HMGB1: variants seen among roughly 807,000 people sequenced by gnomAD.
HMGB1 encodes the protein high mobility group protein B1.
For synonymous variants in HMGB1, 81 were observed against 84.0 expected (o/e 0.96, Z 0.19); for missense variants, 79 against 253.5 (o/e 0.31, Z 4.67).
chr13:30,553,015 A>C (rs1184112276), intron 1 of HMGB1, among the ~76,000 whole-genome samples: 1 of 152,240 alleles, frequency 6.6e-6, no homozygotes, highest in African/African-American at 2.4e-5. Context: ...AATGCAGGAC[A>C]GTTAAGGCCT....
At position 30,460,625 on chromosome 13, in the gene HMGB1, T is replaced by C. The variant is rs1199626531; in HGVS notation, c.*732A>G. The C allele has an allele frequency of 1.3e-5, 2 of 152,634 alleles. No homozygotes were observed. Among genetic ancestry groups the C allele is most frequent in the African/African-American group, 4.8e-5 (2 of 41,450 alleles). 9.5% of individuals were successfully genotyped at this position (152,634 alleles called of 1,614,324 possible). A position where few individuals can be genotyped will look rare whatever the true frequency, so the allele number is the denominator to read the frequency against. ...TAATAATCCCATGCTTTGAGTAGATTGATTACTCTTCAGTTTGTAAATGTA... is the reference window on the plus strand; with the variant it reads ...TAATAATCCCATGCTTTGAGTAGATCGATTACTCTTCAGTTTGTAAATGTA... On this transcript the variant is annotated 3_prime_UTR_variant, in exon 5 of 5. Coordinates refer to ENST00000341423, the MANE Select transcript of HMGB1 (RefSeq NM_002128.7).
chr13:30,501,392 C>A (rs1364385019), intron 1 of HMGB1, among the ~76,000 whole-genome samples: 3 of 152,104 alleles, frequency 2.0e-5, no homozygotes, highest in Non-Finnish European at 4.4e-5. Flanking sequence ...GCTCTGTTGC[C>A]TGGGCTGGAG....
At chr13:30,496,916 G>A (rs534220367) in intron 1 of HMGB1, among the ~76,000 whole-genome samples, 66 of 152,106 alleles carry the variant, frequency 4.3e-4, no homozygotes, top group African/African-American at 1.4e-3. Flanking sequence ...CAATATTCCC[G>A]TCATGCCCGG....
Position 30,551,277 on chromosome 13 carries a change from C to G in HMGB1, c.-15+65394G>C, listed in dbSNP as rs116257122. Among the ~76,000 whole-genome samples, 823 of 152,248 alleles carry G rather than the reference C, an allele frequency of 5.4e-3. 7 individuals carry two copies. The highest frequency in any genetic ancestry group is 0.019 in the African/African-American group (770 of 41,526). On this transcript the variant is annotated intron_variant, in intron 1 of 4. Transcript: ENST00000405805. The stretch of plus-strand genomic sequence containing the variant: ...ACATTCTAAAACTAATTTTTTTCCT[C>G]CGCAAGTCTTCCTTCTCTTTGGGGT...
chr13:30,531,373 T>C (rs142056936), intron 1 of HMGB1, among the ~76,000 whole-genome samples: 11 of 152,286 alleles, frequency 7.2e-5, no homozygotes, highest in African/African-American at 2.6e-4. Flanking sequence ...AGAGGGTATG[T>C]ATTCACACAG....
At chr13:30,500,958 C>G (rs1887721235) in intron 1 of HMGB1, among the ~76,000 whole-genome samples, 1 of 149,418 alleles carries the variant, frequency 6.7e-6, no homozygotes, top group African/African-American at 2.4e-5. Flanking sequence ...CAGGTGTGAG[C>G]CACTGCACTC....
At chr13:30,588,657 C>T (rs1163147292) in intron 1 of HMGB1, among the ~76,000 whole-genome samples, 2 of 152,180 alleles carry the variant, frequency 1.3e-5, no homozygotes, top group Non-Finnish European at 2.9e-5. Context: ...CGGCTCATGC[C>T]TGTAATCCCA....
At chr13:30,565,258 C>A (rs1350176112) in intron 1 of HMGB1, among the ~76,000 whole-genome samples, 3 of 152,186 alleles carry the variant, frequency 2.0e-5, no homozygotes, top group African/African-American at 7.2e-5. Context: ...CCTACACAGG[C>A]AAGCTGTTAT....
intron 1 of HMGB1, among the ~76,000 whole-genome samples, chr13:30,566,410 G>A (rs915893428): frequency 6.6e-6 from 1 of 152,122 alleles, no homozygotes; most frequent in African/African-American, 2.4e-5. Flanking sequence ...CCACTGTAGG[G>A]CAAAAGCAAC....
At chr13:30,617,561 G>A (rs1196132876) in exon 1 of HMGB1, 1 of 152,268 alleles carries the variant, frequency 6.6e-6, no homozygotes, top group Non-Finnish European at 1.5e-5. Flanking sequence ...CGACGCGCAA[G>A]CAGGTCTCTT....
chr13:30,552,183 T>C (rs1251728260), intron 1 of HMGB1, among the ~76,000 whole-genome samples: 5 of 152,218 alleles, frequency 3.3e-5, no homozygotes, highest in Non-Finnish European at 7.3e-5. Flanking sequence ...TATCCTTTAG[T>C]TATATTCACC....
intron 1 of HMGB1, among the ~76,000 whole-genome samples, chr13:30,519,008 G>T (rs930803298): frequency 6.6e-6 from 1 of 152,046 alleles, no homozygotes; most frequent in African/African-American, 2.4e-5. Flanking sequence ...ATGGGTGTGA[G>T]CCACTGTGCC....
chr13:30,598,358 G>A (rs1168308920), intron 1 of HMGB1, among the ~76,000 whole-genome samples: 1 of 152,240 alleles, frequency 6.6e-6, no homozygotes, highest in Non-Finnish European at 1.5e-5. Context: ...TTACAAGATC[G>A]TCACTGTTGC....
intron 1 of HMGB1, among the ~76,000 whole-genome samples, chr13:30,580,976 T>G (rs963117020): frequency 1.3e-5 from 2 of 152,174 alleles, no homozygotes; most frequent in Non-Finnish European, 2.9e-5. Context: ...GGTCTCACTC[T>G]GTCACCTAGG....
chr13:30,511,063 C>T (rs919370787), intron 1 of HMGB1, among the ~76,000 whole-genome samples: 1 of 152,112 alleles, frequency 6.6e-6, no homozygotes, highest in African/African-American at 2.4e-5. Flanking sequence ...TGAGGTAATA[C>T]GGCTTTACAC....
intron 1 of HMGB1, among the ~76,000 whole-genome samples, chr13:30,545,363 G>GAATATTATTATTATTAATAATATT (rs1555239759): frequency 3.5e-4 from 53 of 150,534 alleles, no homozygotes; most frequent in African/African-American, 1.3e-3. Flanking sequence ...GAGAATAACT[G>GAATATTATTATTATTAATAATATT]AATATTATTA....
intron 1 of HMGB1, among the ~76,000 whole-genome samples, chr13:30,584,362 T>C (rs1247401334): frequency 6.6e-6 from 1 of 152,238 alleles, no homozygotes; most frequent in Non-Finnish European, 1.5e-5. Context: ...CAAAGAGGCT[T>C]TTCTTGACAA....
At chr13:30,547,744 C>T (rs1351358589) in intron 1 of HMGB1, among the ~76,000 whole-genome samples, 1 of 152,006 alleles carries the variant, frequency 6.6e-6, no homozygotes, top group East Asian at 1.9e-4. Context: ...TGGTGAAACC[C>T]CGTCTCTACT....
At chr13:30,530,178 C>T (rs901122399) in intron 1 of HMGB1, among the ~76,000 whole-genome samples, 9 of 152,132 alleles carry the variant, frequency 5.9e-5, no homozygotes, top group African/African-American at 2.2e-4. Context: ...TCTAAAACAC[C>T]TGACTTCTTG....
Sources: allele counts gnomAD v4.1 joint callset (sites outside exome capture counted in the v4.1 genomes callset), GRCh38; gene constraint gnomAD v4.1.1; transcripts MANE v1.5; gene names NCBI Gene and HGNC (gene_info 2026-07-23, HGNC 2026-07-21).